Variants in TASP1 observed in about 807,000 individuals in gnomAD.
TASP1 encodes threonine aspartase 1.
Under a neutral mutation model 56.6 loss-of-function variants are expected in TASP1, and 16 were observed. The ratio of observed to expected loss-of-function variants is 0.28; its 90% CI spans 0.19 to 0.43. The LOEUF (loss-of-function observed/expected upper bound fraction) is 0.43. Ranked by LOEUF, TASP1 falls within the 20% of genes least tolerant of loss-of-function variation. The pLI, the probability that TASP1 is intolerant of heterozygous loss-of-function variation, is 1.00. For missense variants in TASP1, 393 were observed against 511.6 expected (o/e 0.77, Z 2.24); for synonymous variants, 179 against 184.2 (o/e 0.97, Z 0.23).
chr20:13,476,634 A>G (rs113475279), intron 11 of TASP1, among the ~76,000 whole-genome samples: 1 of 152,188 alleles, frequency 6.6e-6, no homozygotes, highest in East Asian at 1.9e-4. Flanking sequence ...AATCTCTCAT[A>G]GTAACCAGCA....
At chr20:13,312,302 G>A in the TASP1 span, among the ~76,000 whole-genome samples, 1 of 152,194 alleles carries the variant, frequency 6.6e-6, no homozygotes, top group Admixed American at 6.5e-5. Flanking sequence ...TTCACAGTCG[G>A]CATGTGTGGC....
the TASP1 span, among the ~76,000 whole-genome samples, chr20:13,294,857 A>G: frequency 3.3e-5 from 5 of 152,188 alleles, no homozygotes; most frequent in Non-Finnish European, 5.9e-5. Flanking sequence ...TACAGATGAG[A>G]AAACTGAAGC....
intron 2 of TASP1, among the ~76,000 whole-genome samples, chr20:13,626,162 T>C (rs968376156): frequency 9.2e-5 from 14 of 152,318 alleles, no homozygotes; most frequent in Admixed American, 3.3e-4. Flanking sequence ...CAGTGGCTCA[T>C]GCCTGCAATC....
intron 10 of TASP1, among the ~76,000 whole-genome samples, chr20:13,516,535 C>G (rs1400844229): frequency 6.6e-6 from 1 of 152,072 alleles, no homozygotes; most frequent in East Asian, 1.9e-4. Flanking sequence ...CTCCAACTGA[C>G]AGCAGGTAGT....
At chr20:13,370,439 C>A in the TASP1 span, among the ~76,000 whole-genome samples, 1 of 152,128 alleles carries the variant, frequency 6.6e-6, no homozygotes, top group Non-Finnish European at 1.5e-5. Context: ...CAGCTATATA[C>A]ATAAAAAGCT....
At chr20:13,190,459 G>T in the TASP1 span, among the ~76,000 whole-genome samples, 202 of 152,134 alleles carry the variant, frequency 1.3e-3, 1 homozygote, top group African/African-American at 4.6e-3. Flanking sequence ...TCCAACAAAG[G>T]TACCAAAAAC....
At chr20:13,412,422 G>A (rs1403594363) in intron 13 of TASP1, among the ~76,000 whole-genome samples, 1 of 152,080 alleles carries the variant, frequency 6.6e-6, no homozygotes. Flanking sequence ...AACTTCTCTG[G>A]ATACTTTTTA....
chr20:13,161,705 A>C, the TASP1 span, among the ~76,000 whole-genome samples: 1 of 152,236 alleles, frequency 6.6e-6, no homozygotes, highest in East Asian at 1.9e-4. Flanking sequence ...ATTAGCAATT[A>C]GTAGGAACTT....
intron 5 of TASP1, among the ~76,000 whole-genome samples, chr20:13,586,209 T>C (rs546715713): frequency 2.2e-4 from 32 of 148,258 alleles, no homozygotes; most frequent in African/African-American, 7.2e-4. Context: ...GAAGTACATA[T>C]GTCTACCAAA....
At chr20:13,558,957 G>T in intron 8 of TASP1, 51 bp downstream of exon 8, 1 of 1,161,622 alleles carries the variant, frequency 8.6e-7, no homozygotes, top group Non-Finnish European at 1.2e-6. Flanking sequence ...TCTAAATGCA[G>T]AAGATATATC....
chr20:13,222,323 T>C, the TASP1 span, among the ~76,000 whole-genome samples: 2 of 152,118 alleles, frequency 1.3e-5, no homozygotes, highest in South Asian at 4.1e-4. Context: ...CTTTATAGGA[T>C]GATATCCCTG....
the TASP1 span, among the ~76,000 whole-genome samples, chr20:13,132,352 T>C: frequency 6.6e-6 from 1 of 151,856 alleles, no homozygotes; most frequent in East Asian, 1.9e-4. Context: ...AATTTTTGTA[T>C]TTTTAGTAGA....
intron 12 of TASP1, among the ~76,000 whole-genome samples, chr20:13,433,520 CA>C (rs74746255): frequency 0.046 from 4,077 of 89,112 alleles, 47 homozygotes; most frequent in Middle Eastern, 0.08. Context: ...GACAGTATGG[CA>C]AAAAAAAAAA....
At chr20:13,528,143 A>G (rs1021930348) in intron 10 of TASP1, among the ~76,000 whole-genome samples, 1 of 149,834 alleles carries the variant, frequency 6.7e-6, no homozygotes, top group Non-Finnish European at 1.5e-5. Context: ...GAATCACTTG[A>G]ACCTGGGAGG....
At chr20:13,626,066 A>C (rs2147552274) in intron 2 of TASP1, among the ~76,000 whole-genome samples, 1 of 152,304 alleles carries the variant, frequency 6.6e-6, no homozygotes, top group South Asian at 2.1e-4. Context: ...TTAATGGAGC[A>C]CTGAACCACC....
At chr20:13,482,957 T>C (rs2043190955) in intron 11 of TASP1, among the ~76,000 whole-genome samples, 1 of 152,200 alleles carries the variant, frequency 6.6e-6, no homozygotes, top group Non-Finnish European at 1.5e-5. Flanking sequence ...TATTAACATA[T>C]TAACATATGG....
At chr20:13,247,730 G>A in the TASP1 span, among the ~76,000 whole-genome samples, 2 of 152,158 alleles carry the variant, frequency 1.3e-5, no homozygotes, top group African/African-American at 4.8e-5. Flanking sequence ...TCATAAAGGA[G>A]AGGAAACCTG....
rs542415775 is a variant in TASP1, at chr20:13,556,073, G to A, written c.675+2935C>T. Among the ~76,000 whole-genome samples, 3 of 152,182 alleles carry A rather than the reference G, an allele frequency of 2.0e-5. No homozygotes were observed. In the South Asian group the frequency reaches 6.2e-4, roughly 32 times the overall value. ...ATTAAGTTGGAGATGGGTTAAGAAA[G>A]TTACTGATTTCCACTGCCTACTTCT... On this transcript the variant is annotated intron_variant, in intron 8 of 13. Transcript: ENST00000337743.
the TASP1 span, among the ~76,000 whole-genome samples, chr20:13,292,119 CAGTG>C: frequency 6.6e-5 from 10 of 152,196 alleles, no homozygotes. Context: ...TCCCTGGGCT[CAGTG>C]AGTGAGTTCC....
Sources: gnomAD v4.1 joint callset for allele counts (sites outside exome capture counted in the v4.1 genomes callset) on GRCh38, gnomAD v4.1.1 for gene constraint, MANE v1.5 for transcripts, NCBI Gene and HGNC (gene_info 2026-07-23, HGNC 2026-07-21) for gene names.